DPEP2: variants seen among roughly 807,000 people sequenced by gnomAD.
DPEP2 encodes dipeptidase 2.
In DPEP2, 45 loss-of-function variants were observed where a neutral mutation model predicts 51.8. The observed-to-expected ratio is 0.87, with a 90% CI of 0.68 to 1.11. The LOEUF is 1.11. Among genes scored for constraint, DPEP2 ranks in the 50% most tolerant of loss-of-function variants. The pLI is 0.00. For missense variants in DPEP2, 604 were observed against 631.9 expected, an observed-to-expected ratio of 0.96 and a Z score of 0.47; for synonymous variants, 255 against 262.7, an observed-to-expected ratio of 0.97 and a Z score of 0.28.
chr16:67,988,055 G>C, intron 9 of DPEP2, 68 bp from the exon 10 acceptor site: 2 of 1,603,660 alleles, frequency 1.2e-6, no homozygotes, highest in Non-Finnish European at 1.7e-6. Context: ...CACAGTCCAG[G>C]GTCTATGAAA....
rs1432907336 is a variant in DPEP2 at position 67,990,816 on chromosome 16, C to A, written c.909+5G>T. 6.2e-7 allele frequency: 1 copy of A among 1,610,036 alleles called. No individual in the cohort carries two copies. On this transcript the variant is annotated splice_donor_5th_base_variant and intron_variant, in intron 7 of 10. Coordinates refer to ENST00000393847, the MANE Select transcript of DPEP2 (RefSeq NM_022355.4). ...TTTAGGTTCCTGGGCTGGGCAGTTT[C>A]TCACCAGAAGCTGCAGGATGTCATC...
Position 67,989,445 on chromosome 16 carries a change from C to G in DPEP2, c.995-47G>C, listed in dbSNP as rs148409237. On this transcript the variant is annotated intron_variant, in intron 8 of 10. Transcript: ENST00000393847. ...AGTCAGCTGCGTAGGGCTTCCAGGG[C>G]AGGGGTGCCACTGGGGCTGGATGGC... The G allele has an allele frequency of 1.3e-3, 2,090 of 1,600,892 alleles. 24 individuals carry two copies. The African/African-American group carries it at 0.023, about 18-fold the overall frequency.
Position 67,990,884 on chromosome 16 carries a change from G to C in DPEP2, c.846C>G (p.His282Gln), listed in dbSNP as rs1173104337. The C allele has an allele frequency of 6.2e-7, 1 of 1,614,228 alleles. No homozygotes were observed. The highest frequency in any genetic ancestry group is 1.1e-5 in the South Asian group (1 of 91,086). Reference sequence around the variant, plus strand: ...TGTTGCACACACCCCGGGCAGCCGAGTGGGAGAAGATCACAGGTGCCTGTG... The same window carrying C: ...TGTTGCACACACCCCGGGCAGCCGACTGGGAGAAGATCACAGGTGCCTGTG... ...EVSQAPVIFS[H>Q]SAARGVCNSA... Residue 282 changes from histidine to glutamine, a missense_variant, in exon 7 of 11, where the codon CAC becomes CAG. His to Gln is a conservative substitution (Grantham distance 24, BLOSUM62 0). Coordinates refer to ENST00000393847, the MANE Select transcript of DPEP2 (RefSeq NM_022355.4).
At position 67,987,461 on chromosome 16, in the gene DPEP2, G is replaced by A; in HGVS notation, c.*45C>T. On this transcript the variant is annotated 3_prime_UTR_variant, in exon 11 of 11. Transcript: ENST00000393847. ...GCACAACAGGGGAACTTTGTGGGGT[G>A]TCTGTGGCTTGCTACAGTGACATCT... 1 of 1,580,258 alleles carries A rather than the reference G, an allele frequency of 6.3e-7. No individual in the cohort carries two copies. The highest frequency in any genetic ancestry group is 2.3e-5 in the East Asian group (1 of 44,254).
chr16:67,988,613 AAAAG>A (rs2031729997), intron 9 of DPEP2, among the ~76,000 whole-genome samples: 1 of 151,324 alleles, frequency 6.6e-6, no homozygotes, highest in Non-Finnish European at 1.5e-5. Context: ...AAAAAAAAAA[AAAAG>A]AAAAGAAAAA....
At chr16:67,992,025 C>A (rs1344692179) in intron 4 of DPEP2, 39 bp downstream of exon 4, 1 of 1,613,876 alleles carries the variant, frequency 6.2e-7, no homozygotes, top group African/African-American at 1.3e-5. Flanking sequence ...GCTGGAGTAG[C>A]TCAATCAAGT....
chr16:67,987,528 G>T lies in DPEP2; in HGVS notation c.1439C>A (p.Pro480Gln). Residue 480 changes from proline to glutamine, a missense_variant, in exon 11 of 11, where the codon CCA becomes CAA. Coordinates refer to ENST00000393847, the MANE Select transcript of DPEP2 (RefSeq NM_022355.4). Reference protein sequence around the residue: ...APVLAVVATFPVLILWL With the variant: ...APVLAVVATFQVLILWL Reference sequence around the variant, plus strand: ...TCATCAGAGCCACAGAATAAGGACTGGGAAGGTGGCCACAACTGCAAGGAC... The same window carrying T: ...TCATCAGAGCCACAGAATAAGGACTTGGAAGGTGGCCACAACTGCAAGGAC... 6.2e-7 allele frequency: 1 copy of T among 1,613,886 alleles called. No homozygotes were observed. The highest frequency in any genetic ancestry group is 8.5e-7 in the Non-Finnish European group (1 of 1,179,790).
intron 1 of DPEP2, among the ~76,000 whole-genome samples, chr16:67,996,912 T>G (rs1202422051): frequency 1.3e-5 from 2 of 151,792 alleles, no homozygotes; most frequent in African/African-American, 4.8e-5. Context: ...CACCCACACT[T>G]GTAGTTGCAG....
At position 67,990,911 on chromosome 16, in the gene DPEP2, C is replaced by T. The variant is rs2032056374; in HGVS notation, c.819G>A (p.Val273=). ...SDAVARRALE[V]SQAPVIFSHS... ...GGGAGAAGATCACAGGTGCCTGTGA[C>T]ACTTCCAGGGCCCGCCGTGCCACAG... Residue 273 remains valine (V), a synonymous_variant, in exon 7 of 11, where the codon GTG becomes GTA. Transcript: ENST00000393847. 6.2e-7 allele frequency: 1 copy of T among 1,614,192 alleles called. No individual in the cohort carries two copies.
intron 7 of DPEP2, among the ~76,000 whole-genome samples, chr16:67,990,551 C>T (rs1335101364): frequency 1.3e-5 from 2 of 152,058 alleles, no homozygotes; most frequent in East Asian, 1.9e-4. Flanking sequence ...GCAACCTCCG[C>T]CTCCCAGGTT....
chr16:67,997,198 A>G (rs1598281816), intron 1 of DPEP2, among the ~76,000 whole-genome samples: 1 of 150,304 alleles, frequency 6.7e-6, no homozygotes, highest in East Asian at 2.0e-4. Context: ...ACTCCCGGCT[A>G]ATTTTTGTAT....
Position 67,999,329 on chromosome 16 carries a change from CTCCAAACA to C in DPEP2, c.-46+38_-46+45del, listed in dbSNP as rs747593628. The C allele has an allele frequency of 1.4e-3, 385 of 273,682 alleles. 1 individual carries two copies. The highest frequency in any genetic ancestry group is 2.5e-3 in the Admixed American group (39 of 15,428). The allele number at this position is 273,682 out of a possible 1,614,324, so 17.0% of individuals were successfully genotyped here. A position where few individuals can be genotyped will look rare whatever the true frequency, so the allele number is the denominator to read the frequency against. ...CCACAAACCCACCAGAAGGAAGAAACTCCAAACATCCAAACATCAAAAGAAACAAACTC... is the reference window on the plus strand; with the variant it reads ...CCACAAACCCACCAGAAGGAAGAAACTCCAAACATCAAAAGAAACAAACTC... On this transcript the variant is annotated intron_variant, in intron 1 of 10. Transcript: ENST00000393847.
At chr16:67,992,719 G>C (rs2032329160) in intron 2 of DPEP2, 83 bp from the exon 3 acceptor site, 2 of 1,556,788 alleles carry the variant, frequency 1.3e-6, no homozygotes, top group African/African-American at 2.7e-5. Flanking sequence ...ACACATCTGG[G>C]GATCCCCATC....
intron 1 of DPEP2, chr16:67,993,778 G>A (rs1000304032): frequency 3.0e-6 from 3 of 985,660 alleles, no homozygotes; most frequent in Non-Finnish European, 2.4e-6. Context: ...GGGTGGGTGT[G>A]GGGGAGAAGA....
chr16:67,996,625 AC>A (rs1276701977), intron 1 of DPEP2, among the ~76,000 whole-genome samples: 3 of 151,584 alleles, frequency 2.0e-5, no homozygotes, highest in Admixed American at 1.3e-4. Context: ...CAGGTAATCC[AC>A]CCACCACGGC....
intron 1 of DPEP2, chr16:67,994,820 T>C: frequency 1.0e-6 from 1 of 985,450 alleles, no homozygotes; most frequent in Non-Finnish European, 1.2e-6. Context: ...TTGCCCAGTG[T>C]CTGCTGTCCA....
chr16:67,992,291 G>A (rs1292596958), intron 3 of DPEP2, 98 bp from the exon 4 acceptor site: 1 of 1,511,736 alleles, frequency 6.6e-7, no homozygotes, highest in Non-Finnish European at 9.0e-7. Context: ...CAGTGGGCCA[G>A]GAGGCCACAT....
chr16:67,993,071 C>T lies in DPEP2; in HGVS notation c.142G>A (p.Ala48Thr), dbSNP rs2032383715. ...CCCGGCATGGTGTGGGCTCTGGGGG[C>T]GCCCAGCGTGGTGAGGGCTCTGGGG... ...GPPRALTTLGAPRAHTMPGTY... is the reference protein window; with the variant it reads ...GPPRALTTLGTPRAHTMPGTY... Residue 48 changes from alanine to threonine, a missense_variant, in exon 2 of 11, where the codon GCC (alanine) becomes ACC (threonine). Ala to Thr is a moderately conservative substitution (Grantham distance 58). Transcript: ENST00000393847. The T allele has an allele frequency of 1.9e-6, 3 of 1,573,778 alleles. No individual in the cohort carries two copies. The highest frequency in any genetic ancestry group is 1.7e-4 in the Middle Eastern group (1 of 5,950).
At chr16:67,992,427 C>T in intron 3 of DPEP2, 83 bp downstream of exon 3, 2 of 1,536,158 alleles carry the variant, frequency 1.3e-6, no homozygotes, top group Non-Finnish European at 1.8e-6. Context: ...TCTCATGTGA[C>T]TAACTTGTGA....
Sources: gnomAD v4.1 joint callset for allele counts (sites outside exome capture counted in the v4.1 genomes callset) on GRCh38, gnomAD v4.1.1 for gene constraint, MANE v1.5 for transcripts, NCBI Gene and HGNC (gene_info 2026-07-23, HGNC 2026-07-21) for gene names.